The following GSDMC variants were observed in gnomAD, a reference collection of about 807,000 sequenced individuals.
GSDMC encodes gasdermin C.
A neutral mutation model predicts 58.0 loss-of-function variants in GSDMC; 59 were observed. The ratio of observed to expected loss-of-function variants is 1.02; its 90% CI spans 0.82 to 1.26. GSDMC has a LOEUF of 1.26. Among genes scored for constraint, GSDMC ranks in the 50% most tolerant of loss-of-function variants. The pLI, the probability that GSDMC is intolerant of heterozygous loss-of-function variation, is 0.00. For missense variants in GSDMC, 659 were observed against 598.5 expected, an observed-to-expected ratio of 1.10 and a Z score of -1.06; for synonymous variants, 241 against 220.2, an observed-to-expected ratio of 1.09 and a Z score of -0.83.
At chr8:129,725,882 TAC>T in the GSDMC span, among the ~76,000 whole-genome samples, 4 of 152,282 alleles carry the variant, frequency 2.6e-5, no homozygotes, top group Non-Finnish European at 5.9e-5. Flanking sequence ...CCCTAATCAA[TAC>T]AGTCTTTTAA....
At chr8:129,716,743 G>A in the GSDMC span, among the ~76,000 whole-genome samples, 9 of 152,124 alleles carry the variant, frequency 5.9e-5, no homozygotes, top group East Asian at 1.9e-4. Context: ...TTATGACATC[G>A]GCTGTGGGTT....
chr8:129,740,849 T>G, the GSDMC span, among the ~76,000 whole-genome samples: 1 of 152,210 alleles, frequency 6.6e-6, no homozygotes, highest in Non-Finnish European at 1.5e-5. Flanking sequence ...TTTAACTTAA[T>G]GGAATCCATT....
intron 4 of GSDMC, among the ~76,000 whole-genome samples, chr8:129,763,426 G>A (rs2033745388): frequency 6.6e-6 from 1 of 152,116 alleles, no homozygotes; most frequent in African/African-American, 2.4e-5. Flanking sequence ...GCCTTCAGTG[G>A]ACACTTTCAT....
the GSDMC span, among the ~76,000 whole-genome samples, chr8:129,724,127 G>C: frequency 3.9e-5 from 6 of 152,286 alleles, no homozygotes; most frequent in Non-Finnish European, 8.8e-5. Context: ...TCTATGGAGA[G>C]ACCACATGGT....
downstream of GSDMC, among the ~76,000 whole-genome samples, chr8:129,743,459 G>T (rs1029461547): frequency 1.3e-5 from 2 of 151,674 alleles, no homozygotes; most frequent in African/African-American, 2.4e-5. Context: ...TCCTCAATAG[G>T]CTTCTGTTTT....
chr8:129,727,286 GT>G, the GSDMC span, among the ~76,000 whole-genome samples: 1 of 152,096 alleles, frequency 6.6e-6, no homozygotes, highest in Non-Finnish European at 1.5e-5. Flanking sequence ...CTTTTAGTGT[GT>G]GCTCAGCCAC....
At chr8:129,738,286 G>T in the GSDMC span, among the ~76,000 whole-genome samples, 3 of 151,878 alleles carry the variant, frequency 2.0e-5, no homozygotes, top group Non-Finnish European at 4.4e-5. Context: ...AGACCCATTT[G>T]ACCCATTGAT....
chr8:129,723,195 G>A, the GSDMC span, among the ~76,000 whole-genome samples: 1 of 152,162 alleles, frequency 6.6e-6, no homozygotes, highest in Non-Finnish European at 1.5e-5. Flanking sequence ...CTCACCCTCT[G>A]CACTGCTAGG....
At chr8:129,709,918 T>C in the GSDMC span, among the ~76,000 whole-genome samples, 11 of 152,202 alleles carry the variant, frequency 7.2e-5, no homozygotes, top group Non-Finnish European at 1.5e-4. Flanking sequence ...TCAGCTTTAT[T>C]GTGGTGTTCT....
At chr8:129,750,602 T>C in intron 10 of GSDMC, 32 bp from the exon 11 acceptor site, 1 of 1,607,828 alleles carries the variant, frequency 6.2e-7, no homozygotes, top group Middle Eastern at 1.7e-4. Context: ...GACCAGAAAG[T>C]GGGGACAAGT....
chr8:129,749,477 C>G lies in GSDMC; in HGVS notation c.1262G>C (p.Arg421Thr). The stretch of plus-strand genomic sequence containing the variant: ...CAGCTCCTGTTGCTGAAGCAGGATC[C>G]TCTTCTCCATGGAACAGGCCAGCAA... ...HDLLACSMEK[R>T]ILLQQQELVR... The change falls in exon 13 of 14, where the codon AGG becomes ACG. Residue 421 changes from arginine to threonine, a missense_variant. Coordinates refer to ENST00000276708, the MANE Select transcript of GSDMC (RefSeq NM_031415.3). The G allele has an allele frequency of 6.2e-7, 1 of 1,613,822 alleles. No homozygotes were observed. The highest frequency in any genetic ancestry group is 8.5e-7 in the Non-Finnish European group (1 of 1,179,738).
rs1266534046 is a variant in GSDMC, at chr8:129,777,583, G to C, written c.5C>G (p.Pro2Arg). 7 of 1,569,198 alleles carry C rather than the reference G, an allele frequency of 4.5e-6. No individual in the cohort carries two copies. The highest frequency in any genetic ancestry group is 1.7e-5 in the Admixed American group (1 of 59,950). ...TTTGCTAATGCGTTCCAACATGGAG[G>C]GCATGTTGCTAGGAGGAGATGAAAG... M[P>R]SMLERISKNL... is the part of the protein sequence containing the mutation. The change falls in exon 2 of 14, where the codon CCC becomes CGC. Residue 2 changes from proline to arginine, a missense_variant. Physicochemically the swap from Pro to Arg is moderately radical, Grantham distance 103. Transcript: ENST00000276708.
the GSDMC span, among the ~76,000 whole-genome samples, chr8:129,720,820 G>C: frequency 6.6e-6 from 1 of 152,216 alleles, no homozygotes; most frequent in African/African-American, 2.4e-5. Flanking sequence ...GAATCAGGAA[G>C]ATTTGGTTTC....
At chr8:129,770,572 T>A (rs1243587181) in intron 3 of GSDMC, among the ~76,000 whole-genome samples, 1 of 152,138 alleles carries the variant, frequency 6.6e-6, no homozygotes, top group African/African-American at 2.4e-5. Flanking sequence ...TAAAATAGGA[T>A]ATTATAACTA....
the GSDMC span, among the ~76,000 whole-genome samples, chr8:129,731,358 C>A: frequency 6.6e-6 from 1 of 152,226 alleles, no homozygotes; most frequent in Non-Finnish European, 1.5e-5. Context: ...TCAGGTCTTG[C>A]AAGCAAACAA....
At chr8:129,785,759 CA>C (rs5895009) in intron 1 of GSDMC, among the ~76,000 whole-genome samples, 75,700 of 151,828 alleles carry the variant, frequency 0.5, 22,441 homozygotes, top group African/African-American at 0.82. Flanking sequence ...GGTCACTGGA[CA>C]AGCAGAGAAT....
chr8:129,777,308 T>C (rs2034265395), intron 2 of GSDMC, 60 bp downstream of exon 2: 3 of 1,042,238 alleles, frequency 2.9e-6, no homozygotes, highest in Admixed American at 3.6e-5. Context: ...TGGTGGGCCA[T>C]CTTTTTCTGA....
Position 129,765,633 on chromosome 8 carries a change from C to T in GSDMC, c.565G>A (p.Gly189Ser), listed in dbSNP as rs1300580183. ...LGKIALWITY[G>S]KGQGQGESLR... ...ACTTCAGGACAACTTTATACCTTGCCATAGGTAATCCAAAGAGCAATTTTC... is the reference window on the plus strand; with the variant it reads ...ACTTCAGGACAACTTTATACCTTGCTATAGGTAATCCAAAGAGCAATTTTC... The change falls in exon 4 of 14, where the codon GGC becomes AGC. Residue 189 changes from glycine to serine, a missense_variant. Coordinates refer to ENST00000276708, the MANE Select transcript of GSDMC (RefSeq NM_031415.3). 7 of 1,612,038 alleles carry T rather than the reference C, an allele frequency of 4.3e-6. No individual in the cohort carries two copies. Among genetic ancestry groups the T allele is most frequent in the Non-Finnish European group, 5.9e-6 (7 of 1,178,310 alleles).
In GSDMC at chr8:129,748,631, C is replaced by G. The variant is rs776622434; in HGVS notation, c.1397G>C (p.Gly466Ala). The G allele has an allele frequency of 1.9e-6, 3 of 1,612,484 alleles. No individual in the cohort carries two copies. Among genetic ancestry groups the G allele is most frequent in the Non-Finnish European group, 2.5e-6 (3 of 1,179,328 alleles). Reference sequence around the variant, plus strand: ...CCTAAGGCCACACTCCTCCAGCAGGCCATAGGTGATGGCCAAACCCTCACT... The same window carrying G: ...CCTAAGGCCACACTCCTCCAGCAGGGCATAGGTGATGGCCAAACCCTCACT... ...LQSEGLAITYGLLEECGLRME... is the reference protein window; with the variant it reads ...LQSEGLAITYALLEECGLRME... The change falls in exon 14 of 14, where the codon GGC (glycine) becomes GCC (alanine). Residue 466 changes from glycine (G) to alanine (A), a missense_variant. Transcript: ENST00000276708.
Sources: gnomAD v4.1 joint callset for allele counts (sites outside exome capture counted in the v4.1 genomes callset) on GRCh38, gnomAD v4.1.1 for gene constraint, MANE v1.5 for transcripts, NCBI Gene and HGNC (gene_info 2026-07-23, HGNC 2026-07-21) for gene names.